Variants in PSMD4 observed in about 807,000 individuals in gnomAD.
The protein encoded by PSMD4 is proteasome 26S subunit ubiquitin receptor, non-ATPase 4.
Under a neutral mutation model 39.7 loss-of-function variants are expected in PSMD4, and 5 were observed. The observed-to-expected ratio is 0.13, with a 90% CI of 0.07 to 0.26. The LOEUF (loss-of-function observed/expected upper bound fraction) is 0.26, where lower values mean the gene tolerates loss of function less well. Ranked by LOEUF, PSMD4 falls within the 10% of genes least tolerant of loss-of-function variation. The pLI is 1.00. For synonymous variants in PSMD4, 143 were observed against 174.6 expected, an observed-to-expected ratio of 0.82 and a Z score of 1.43; for missense variants, 272 against 486.1, an observed-to-expected ratio of 0.56 and a Z score of 4.14.
intron 9 of PSMD4, chr1:151,266,867 A>C: frequency 1.4e-6 from 1 of 711,932 alleles, no homozygotes; most frequent in Non-Finnish European, 2.6e-6. Flanking sequence ...CGGGTCTGGG[A>C]AAAAGAAAAA....
intron 1 of PSMD4, chr1:151,259,310 T>C (rs906756465): frequency 2.0e-5 from 3 of 152,192 alleles, no homozygotes; most frequent in Non-Finnish European, 4.4e-5. Context: ...ACATTATACT[T>C]AACCAGCGGA....
chr1:151,267,391 A>C lies in PSMD4; in HGVS notation c.*48A>C. 6.3e-7 allele frequency: 1 copy of C among 1,587,290 alleles called. No homozygotes were observed. The highest frequency in any genetic ancestry group is 8.6e-7 in the Non-Finnish European group (1 of 1,159,382). ...AGTCTGCTTAGGGGACTGCATGGGA[A>C]GCACGGAATATAGGGTTAGATGTGT... On this transcript the variant is annotated 3_prime_UTR_variant, in exon 10 of 10. Transcript: ENST00000368884.
At chr1:151,264,993 C>A in intron 4 of PSMD4, 75 bp downstream of exon 4, 1 of 1,413,948 alleles carries the variant, frequency 7.1e-7, no homozygotes, top group Non-Finnish European at 9.9e-7. Flanking sequence ...TCAGGAGAAC[C>A]TGGCAGAGGC....
At chr1:151,262,012 A>T (rs890922321) in intron 1 of PSMD4, 149 bp from the exon 2 acceptor site, 24 of 769,876 alleles carry the variant, frequency 3.1e-5, no homozygotes, top group Non-Finnish European at 4.5e-5. Context: ...ATGTGGGCTA[A>T]GGCTTGATCA....
intron 3 of PSMD4, 75 bp downstream of exon 3, chr1:151,264,103 T>A: frequency 8.6e-7 from 1 of 1,168,350 alleles, no homozygotes; most frequent in Non-Finnish European, 1.2e-6. Context: ...ATTTCTCCCC[T>A]GGAATCCTGA....
rs1693442396 is a variant in PSMD4, at chr1:151,266,059, G to A, written c.710G>A (p.Arg237Gln). ...QRQRQEEEAR[R>Q]AAAASAAEAG... ...CAGCGGCAGGAGGAGGAGGCCCGGC[G>A]GGCAGCTGCAGCTTCTGCTGCTGAG... The change falls in exon 7 of 10, where the codon CGG becomes CAG. Residue 237 changes from arginine to glutamine, a missense_variant. By Grantham distance (43) the Arg-to-Gln change is conservative. Around this residue, in one of 3 missense-constraint regions of PSMD4, gnomAD observed 113 missense variants for 184.6 expected, o/e 0.61. Transcript: ENST00000368884. 4 of 1,607,164 alleles carry A rather than the reference G, an allele frequency of 2.5e-6. No individual in the cohort carries two copies. The highest frequency in any genetic ancestry group is 1.1e-5 in the South Asian group (1 of 89,986).
chr1:151,263,954 C>G lies in PSMD4; in HGVS notation c.208C>G (p.Arg70Gly). 3.7e-6 allele frequency: 6 copies of G among 1,601,142 alleles called. No individual in the cohort carries two copies. The highest frequency in any genetic ancestry group is 4.3e-6 in the Non-Finnish European group (5 of 1,173,936). The change falls in exon 3 of 10, where the codon CGT becomes GGT. Residue 70 changes from arginine to glycine, a missense_variant. Arg to Gly is a moderately radical substitution (Grantham distance 125). This residue lies in a region of PSMD4 where 153 missense variants were observed against 257.6 expected (regional missense o/e 0.59). Transcript: ENST00000368884. ...VLTTLTPDTGRILSKLHTVQP... is the reference protein window; with the variant it reads ...VLTTLTPDTGGILSKLHTVQP... ...GACCACACTCACCCCAGACACTGGC[C>G]GTATCCTGTCCAAGCTACATACTGT...
chr1:151,267,310 C>T lies in PSMD4; in HGVS notation c.1101C>T (p.Gly367=), dbSNP rs774050856. 6.2e-7 allele frequency: 1 copy of T among 1,613,742 alleles called. No homozygotes were observed. The highest frequency in any genetic ancestry group is 1.1e-5 in the South Asian group (1 of 91,072). Residue 367 remains glycine (G), a synonymous_variant, in exon 10 of 10, where the codon GGC becomes GGT. Coordinates refer to ENST00000368884, the MANE Select transcript of PSMD4 (RefSeq NM_002810.4). ...TGGCCTCCCAGGCCACCAAGGACGG[C>T]AAGAAGGACAAGAAGGAGGAAGACA... is the stretch of plus-strand genomic sequence containing the variant. The part of the protein sequence containing the change: ...GSLASQATKD[G]KKDKKEEDKK
At chr1:151,254,893 C>A in intron 1 of PSMD4, 85 bp downstream of exon 1, 2 of 1,293,572 alleles carry the variant, frequency 1.5e-6, no homozygotes, top group Non-Finnish European at 2.0e-6. Context: ...GGGGTGGGGG[C>A]CAGGGGCTCA....
At position 151,266,087 on chromosome 1, in the gene PSMD4, C is replaced by T. The variant is rs764568603; in HGVS notation, c.738C>T (p.Ala246=). The part of the protein sequence containing the change: ...RRAAAASAAE[A]GIATTGTEDS... ...CAGCTGCAGCTTCTGCTGCTGAGGC[C>T]GGGATTGCTACGACTGGGACTGAAG... Residue 246 remains alanine (A), a synonymous_variant, in exon 7 of 10, where the codon GCC becomes GCT. Transcript: ENST00000368884. 2.4e-5 allele frequency: 39 copies of T among 1,606,990 alleles called. No individual in the cohort carries two copies. Among genetic ancestry groups the T allele is most frequent in the Admixed American group, 8.5e-5 (5 of 58,634 alleles).
At chr1:151,262,019 A>G (rs1693331652) in intron 1 of PSMD4, 142 bp from the exon 2 acceptor site, 2 of 793,002 alleles carry the variant, frequency 2.5e-6, no homozygotes, top group Non-Finnish European at 3.9e-6. Context: ...CTAAGGCTTG[A>G]TCATCTGTAT....
At chr1:151,264,940 G>A in intron 4 of PSMD4, 22 bp downstream of exon 4, 1 of 1,586,642 alleles carries the variant, frequency 6.3e-7, no homozygotes, top group Non-Finnish European at 8.6e-7. Flanking sequence ...TGGCAGCTGG[G>A]GAATGTGGGG....
At chr1:151,264,116 T>C in intron 3 of PSMD4, 88 bp downstream of exon 3, 1 of 1,049,244 alleles carries the variant, frequency 9.5e-7, no homozygotes, top group Non-Finnish European at 1.4e-6. Flanking sequence ...AATCCTGAGC[T>C]AGGACCAGAG....
At chr1:151,265,144 A>G in intron 4 of PSMD4, 22 bp from the exon 5 acceptor site, 1 of 1,597,368 alleles carries the variant, frequency 6.3e-7, no homozygotes, top group Non-Finnish European at 8.5e-7. Context: ...AGATTTCTTG[A>G]TTTTTCTCCC....
intron 1 of PSMD4, among the ~76,000 whole-genome samples, chr1:151,261,280 A>T (rs953778453): frequency 2.8e-5 from 4 of 143,298 alleles, no homozygotes; most frequent in Non-Finnish European, 6.0e-5. Context: ...GGTTCAGGCG[A>T]TTCTTCTGCC....
chr1:151,265,032 A>C, intron 4 of PSMD4, 114 bp downstream of exon 4: 1 of 1,309,930 alleles, frequency 7.6e-7, no homozygotes, highest in Non-Finnish European at 1.1e-6. Flanking sequence ...GGGAAAGGTG[A>C]ATGTGGAGAA....
At chr1:151,257,640 C>T (rs1287640006) in intron 1 of PSMD4, among the ~76,000 whole-genome samples, 1 of 149,726 alleles carries the variant, frequency 6.7e-6, no homozygotes, top group Admixed American at 6.7e-5. Flanking sequence ...CTCCGCCTCT[C>T]AGGTTCAAGT....
chr1:151,256,504 T>C (rs1275657863), intron 1 of PSMD4, among the ~76,000 whole-genome samples: 1 of 146,766 alleles, frequency 6.8e-6, no homozygotes, highest in Admixed American at 6.8e-5. Context: ...AGTGGCGCCA[T>C]CTCAGCTCAC....
chr1:151,264,755 A>G (rs993452917), intron 3 of PSMD4, 77 bp from the exon 4 acceptor site: 4 of 1,227,458 alleles, frequency 3.3e-6, no homozygotes, highest in South Asian at 2.6e-5. Flanking sequence ...ACTGTAAGAA[A>G]AAGGGAACCG....
Sources: allele counts gnomAD v4.1 joint callset (sites outside exome capture counted in the v4.1 genomes callset), GRCh38; gene constraint gnomAD v4.1.1; regional missense constraint gnomAD v4.1.1; transcripts MANE v1.5; gene names NCBI Gene and HGNC (gene_info 2026-07-23, HGNC 2026-07-21).